Variants in TSPAN12 observed in about 807,000 individuals in gnomAD.
TSPAN12 encodes the protein tetraspanin-12.
TSPAN12 carries 19 observed loss-of-function variants against 39.2 expected under a neutral mutation model. The ratio of observed to expected loss-of-function variants is 0.49; its 90% confidence interval spans 0.34 to 0.71. The LOEUF is 0.71. TSPAN12 is among the 30% of genes least tolerant of loss of function. The pLI, the probability that TSPAN12 is intolerant of heterozygous loss-of-function variation, is 0.01. For synonymous variants in TSPAN12, 119 were observed against 124.8 expected (o/e 0.95, Z 0.31); for missense variants, 314 against 359.9 (o/e 0.87, Z 1.03).
intron 7 of TSPAN12, among the ~76,000 whole-genome samples, chr7:120,790,775 T>C (rs1317021460): frequency 1.3e-5 from 2 of 152,120 alleles, no homozygotes; most frequent in Non-Finnish European, 2.9e-5. Context: ...ACCTCAAAAT[T>C]TGTTAAGTTA....
chr7:120,799,472 AT>A (rs1243113355), intron 7 of TSPAN12, among the ~76,000 whole-genome samples: 4 of 118,964 alleles, frequency 3.4e-5, no homozygotes, highest in African/African-American at 3.2e-5. Flanking sequence ...TTACATAATT[AT>A]TTTTATAATT....
chr7:120,825,090 C>T lies in TSPAN12; in HGVS notation c.286-9287G>A, dbSNP rs112035420. Among the ~76,000 whole-genome samples, 218 of 152,218 alleles carry T rather than the reference C, an allele frequency of 1.4e-3. 1 individual carries two copies. The highest frequency in any genetic ancestry group is 5.1e-3 in the African/African-American group (210 of 41,552). On this transcript the variant is annotated intron_variant, in intron 4 of 7. Transcript: ENST00000222747. ...TCCAAACTGTTTTTCTATATAAATG[C>T]CACTGCAAAAGAATTTTTACATTAA... is the stretch of plus-strand genomic sequence containing the variant.
At position 120,835,471 on chromosome 7, in the gene TSPAN12, T is replaced by A. The variant is rs79162395; in HGVS notation, c.285+3306A>T. Among the ~76,000 whole-genome samples the A allele has an allele frequency of 3.7e-3, 566 of 152,312 alleles. 14 individuals are homozygous for A. The highest frequency in any genetic ancestry group is 0.027 in the Admixed American group (419 of 15,306). ...CTATTATAGAGTAAAATGGCAAAAT[T>A]GTTACAAATATTGGAACTAGACTGC... On this transcript the variant is annotated intron_variant, in intron 4 of 7. Coordinates refer to ENST00000222747, the MANE Select transcript of TSPAN12 (RefSeq NM_012338.4).
intron 4 of TSPAN12, among the ~76,000 whole-genome samples, chr7:120,825,752 A>G (rs1325618267): frequency 3.9e-5 from 6 of 152,228 alleles, no homozygotes; most frequent in Non-Finnish European, 8.8e-5. Context: ...CCATCCTTCT[A>G]TTAAGAATCC....
chr7:120,829,004 AT>A (rs1794341027), intron 4 of TSPAN12, among the ~76,000 whole-genome samples: 1 of 152,038 alleles, frequency 6.6e-6, no homozygotes, highest in African/African-American at 2.4e-5. Flanking sequence ...TTTTAAGGAA[AT>A]TTGTTGTTTC....
chr7:120,801,144 G>A (rs1793762700), intron 7 of TSPAN12, among the ~76,000 whole-genome samples: 1 of 151,808 alleles, frequency 6.6e-6, no homozygotes, highest in African/African-American at 2.4e-5. Context: ...AGCAACATGA[G>A]CTACCCTCAC....
chr7:120,799,599 T>C (rs41630), intron 7 of TSPAN12, among the ~76,000 whole-genome samples: 1 of 113,720 alleles, frequency 8.8e-6, no homozygotes, highest in African/African-American at 3.6e-5. Flanking sequence ...AATATAATTA[T>C]ATATAATTAT....
intron 7 of TSPAN12, among the ~76,000 whole-genome samples, chr7:120,803,789 A>C (rs993569673): frequency 6.6e-6 from 1 of 152,216 alleles, no homozygotes; most frequent in East Asian, 1.9e-4. Flanking sequence ...GGCTTGTTTC[A>C]ATTTCAAAAT....
chr7:120,848,370 G>A (rs1162014044), intron 2 of TSPAN12, among the ~76,000 whole-genome samples: 1 of 152,156 alleles, frequency 6.6e-6, no homozygotes, highest in African/African-American at 2.4e-5. Context: ...CTCAGTAGTG[G>A]TGCCTAATAT....
intron 2 of TSPAN12, among the ~76,000 whole-genome samples, chr7:120,841,900 G>A (rs938952628): frequency 6.6e-6 from 1 of 152,094 alleles, no homozygotes; most frequent in Non-Finnish European, 1.5e-5. Flanking sequence ...TCATTATTAA[G>A]AAGAAGTCTT....
At chr7:120,799,138 T>A (rs1424722722) in intron 7 of TSPAN12, among the ~76,000 whole-genome samples, 1 of 152,148 alleles carries the variant, frequency 6.6e-6, no homozygotes, top group East Asian at 1.9e-4. Flanking sequence ...TCTCACTCCC[T>A]GCCTTAGCCT....
At position 120,815,627 on chromosome 7, in the gene TSPAN12, G is replaced by A. The variant is rs530332322; in HGVS notation, c.360+102C>T. ...TTAATTTACAAATTACCCAGTCTTG[G>A]GCAGTTCTTTCATAGCGGAGTGAAA... On this transcript the variant is annotated intron_variant, in intron 5 of 7. Transcript: ENST00000222747. 1.4e-5 allele frequency: 15 copies of A among 1,062,784 alleles called. No homozygotes were observed. In the East Asian group the frequency reaches 2.3e-4, roughly 16 times the overall value. The allele number at this position is 1,062,784 out of a possible 1,614,324, so 65.8% of individuals were successfully genotyped here. A position where few individuals can be genotyped will look rare whatever the true frequency, so the allele number is the denominator to read the frequency against.
intron 6 of TSPAN12, among the ~76,000 whole-genome samples, chr7:120,807,975 T>C (rs573024257): frequency 6.6e-6 from 1 of 152,242 alleles, no homozygotes; most frequent in South Asian, 2.1e-4. Context: ...ACATAAGACA[T>C]TAAATATCCT....
intron 4 of TSPAN12, among the ~76,000 whole-genome samples, chr7:120,829,686 G>A (rs1794355117): frequency 6.6e-6 from 1 of 152,152 alleles, no homozygotes; most frequent in Non-Finnish European, 1.5e-5. Flanking sequence ...CAGGTGGAAT[G>A]AACATTTCAA....
At chr7:120,796,999 C>A (rs556663768) in intron 7 of TSPAN12, among the ~76,000 whole-genome samples, 11 of 151,938 alleles carry the variant, frequency 7.2e-5, no homozygotes, top group Admixed American at 5.2e-4. Flanking sequence ...ACTAAAAATA[C>A]AAAAAAAATT....
chr7:120,851,297 C>T (rs903556765), intron 2 of TSPAN12, among the ~76,000 whole-genome samples: 6 of 152,256 alleles, frequency 3.9e-5, no homozygotes, highest in East Asian at 3.9e-4. Flanking sequence ...TCATCTGCCA[C>T]GCATATATCT....
intron 1 of TSPAN12, chr7:120,857,196 C>A: frequency 3.0e-6 from 1 of 337,280 alleles, no homozygotes; most frequent in Non-Finnish European, 5.8e-6. Flanking sequence ...CTGTGCTCGG[C>A]ACTGTCCTGA....
intron 2 of TSPAN12, among the ~76,000 whole-genome samples, chr7:120,841,972 T>C (rs1356069713): frequency 6.6e-6 from 1 of 152,226 alleles, no homozygotes; most frequent in Non-Finnish European, 1.5e-5. Context: ...GTCTTTCCTA[T>C]TTTGATGGAA....
chr7:120,838,037 A>G (rs1309384839), intron 4 of TSPAN12, among the ~76,000 whole-genome samples: 1 of 152,246 alleles, frequency 6.6e-6, no homozygotes, highest in Non-Finnish European at 1.5e-5. Context: ...CTATAAAAAA[A>G]GCGTATACTC....
Sources: gnomAD v4.1 joint callset for allele counts (sites outside exome capture counted in the v4.1 genomes callset) on GRCh38, gnomAD v4.1.1 for gene constraint, MANE v1.5 for transcripts, NCBI Gene and HGNC (gene_info 2026-07-23, HGNC 2026-07-21) for gene names.